The following TMEM65 variants were observed in gnomAD, a reference collection of about 807,000 sequenced individuals.
TMEM65 encodes transmembrane protein 65.
Under a neutral mutation model 25.4 loss-of-function variants are expected in TMEM65, and 22 were observed. The ratio of observed to expected loss-of-function variants is 0.86; its 90% CI spans 0.62 to 1.23. TMEM65 has a LOEUF of 1.23. Among genes scored for constraint, TMEM65 ranks in the 50% most tolerant of loss-of-function variants. TMEM65 has a pLI of 0.00. For missense variants in TMEM65, 262 were observed against 308.2 expected, an observed-to-expected ratio of 0.85 and a Z score of 1.12; for synonymous variants, 132 against 126.2, an observed-to-expected ratio of 1.05 and a Z score of -0.31.
intron 1 of TMEM65, among the ~76,000 whole-genome samples, chr8:124,339,191 C>CAAAAAAAAAAAAA (rs1168433838): frequency 2.3e-5 from 1 of 43,564 alleles, no homozygotes; most frequent in Non-Finnish European, 3.4e-5. Context: ...GACTCTGTCT[C>CAAAAAAAAAAAAA]AAAAAAAAAA....
chr8:124,364,613 A>G (rs1479985221), intron 1 of TMEM65, among the ~76,000 whole-genome samples: 1 of 152,236 alleles, frequency 6.6e-6, no homozygotes, highest in Non-Finnish European at 1.5e-5. Context: ...CAATATGTTC[A>G]AATATTTTAT....
chr8:124,329,753 C>A (rs182283455), intron 2 of TMEM65, among the ~76,000 whole-genome samples: 50 of 151,962 alleles, frequency 3.3e-4, no homozygotes, highest in African/African-American at 1.2e-3. Context: ...TGGTTCCCAG[C>A]CCTAAAGGGG....
chr8:124,311,072 T>C lies in TMEM65; in HGVS notation c.*2888A>G, dbSNP rs1814152758. The C allele has an allele frequency of 6.6e-6, 1 of 152,212 alleles. No individual in the cohort carries two copies. The allele number at this position is 152,212 out of a possible 1,614,324, so 9.4% of individuals were successfully genotyped here. ...TCCATTACCTTCAAAATTTATGTTC[T>C]AGAGAAAAAGAATAAAGTAAATGAG... On this transcript the variant is annotated 3_prime_UTR_variant, in exon 7 of 7. Transcript: ENST00000297632.
At chr8:124,371,361 G>A (rs1032986752) in intron 1 of TMEM65, among the ~76,000 whole-genome samples, 2 of 152,142 alleles carry the variant, frequency 1.3e-5, no homozygotes, top group Non-Finnish European at 2.9e-5. Flanking sequence ...CCCTTCTTTT[G>A]GCTACCCACC....
rs1489856057 is a variant in TMEM65, at chr8:124,339,248, T to TATATATATATATATAA, written c.305-8457_305-8456insTTATATATATATATAT. Among the ~76,000 whole-genome samples, 93 of 104,548 alleles carry TATATATATATATATAA rather than the reference T, an allele frequency of 8.9e-4. 4 individuals carry two copies. The highest frequency in any genetic ancestry group is 3.7e-3 in the African/African-American group (88 of 23,808). The allele number at this position is 104,548 out of a possible 152,430, so 68.6% of individuals were successfully genotyped here. ...ATATATATATATATATATATATATA[T>TATATATATATATATAA]AAAATATTCTTGCAACAAGTAGCTG... On this transcript the variant is annotated intron_variant, in intron 1 of 6. Coordinates refer to ENST00000297632, the MANE Select transcript of TMEM65 (RefSeq NM_194291.3).
intron 1 of TMEM65, among the ~76,000 whole-genome samples, chr8:124,337,404 C>T (rs1021335506): frequency 1.3e-5 from 2 of 151,908 alleles, no homozygotes; most frequent in African/African-American, 4.8e-5. Context: ...AAATATTCTG[C>T]TTTCCGAAGT....
chr8:124,357,768 G>C (rs1814802683), intron 1 of TMEM65, among the ~76,000 whole-genome samples: 1 of 149,430 alleles, frequency 6.7e-6, no homozygotes, highest in African/African-American at 2.5e-5. Context: ...TAAGTAGTAA[G>C]TAGGAAGAGA....
chr8:124,354,977 T>TA (rs1229258138), intron 1 of TMEM65, among the ~76,000 whole-genome samples: 1 of 151,664 alleles, frequency 6.6e-6, no homozygotes. Context: ...TAAAAAGGAA[T>TA]AAAAAAATTC....
At chr8:124,371,149 C>T (rs567711334) in intron 1 of TMEM65, among the ~76,000 whole-genome samples, 1 of 152,228 alleles carries the variant, frequency 6.6e-6, no homozygotes, top group Non-Finnish European at 1.5e-5. Context: ...CTGACTTTTA[C>T]TACAGAGCCA....
Position 124,326,558 on chromosome 8 carries a change from T to C in TMEM65, c.417+796A>G, listed in dbSNP as rs60012202. ...TAAAATCTGAGTTGGCTAGATTATT[T>C]AAACAATTAATGTAAATCAAATCTA... On this transcript the variant is annotated intron_variant, in intron 3 of 6. Coordinates refer to ENST00000297632, the MANE Select transcript of TMEM65 (RefSeq NM_194291.3). Among the ~76,000 whole-genome samples the C allele has an allele frequency of 2.2e-3, 340 of 152,170 alleles. 1 individual carries two copies. Among genetic ancestry groups the C allele is most frequent in the African/African-American group, 7.7e-3 (321 of 41,576 alleles).
In TMEM65 at chr8:124,361,432, T is replaced by C. The variant is rs570140115; in HGVS notation, c.304+10422A>G. On this transcript the variant is annotated intron_variant, in intron 1 of 6. Coordinates refer to ENST00000297632, the MANE Select transcript of TMEM65 (RefSeq NM_194291.3). The stretch of plus-strand genomic sequence containing the variant: ...CCTAGGCAACAAGAGCGAAACTCTG[T>C]CTCACGAAAAAAAAAAAAAAAAATC... 2.4e-3 allele frequency among the ~76,000 whole-genome samples: 334 copies of C among 140,028 alleles called. 2 individuals are homozygous for C. Among genetic ancestry groups the C allele is most frequent in the African/African-American group, 8.3e-3 (309 of 37,316 alleles). 91.9% of individuals were successfully genotyped at this position (140,028 alleles called of 152,430 possible). A position where few individuals can be genotyped will look rare whatever the true frequency, so the allele number is the denominator to read the frequency against.
chr8:124,321,976 T>A, intron 5 of TMEM65, 129 bp downstream of exon 5: 1 of 764,128 alleles, frequency 1.3e-6, no homozygotes. Flanking sequence ...AAAAGTAAAT[T>A]TGAAATTTTA....
chr8:124,330,462 T>C (rs1412973668), intron 2 of TMEM65, among the ~76,000 whole-genome samples: 3 of 151,918 alleles, frequency 2.0e-5, no homozygotes, highest in Non-Finnish European at 4.4e-5. Context: ...AATACATCCT[T>C]TTTCCTAGAA....
intron 1 of TMEM65, among the ~76,000 whole-genome samples, chr8:124,349,562 C>T (rs1166175216): frequency 1.3e-5 from 2 of 152,052 alleles, no homozygotes; most frequent in South Asian, 2.1e-4. Flanking sequence ...AAAACAGCAC[C>T]GAACTAAAAA....
intron 1 of TMEM65, among the ~76,000 whole-genome samples, chr8:124,340,939 G>A (rs1814577241): frequency 1.3e-5 from 2 of 152,030 alleles, no homozygotes; most frequent in South Asian, 4.1e-4. Flanking sequence ...GACAAACTGT[G>A]CTATGAGAAA....
intron 1 of TMEM65, among the ~76,000 whole-genome samples, chr8:124,334,050 G>A (rs1246048271): frequency 1.3e-5 from 2 of 152,234 alleles, no homozygotes; most frequent in East Asian, 3.9e-4. Flanking sequence ...ACCGACTAAG[G>A]GCAAAATAAG....
intron 1 of TMEM65, among the ~76,000 whole-genome samples, chr8:124,345,663 G>C (rs954369885): frequency 2.0e-5 from 3 of 152,164 alleles, no homozygotes; most frequent in Admixed American, 2.0e-4. Flanking sequence ...TAACATTACC[G>C]TATTAATCCA....
chr8:124,342,355 A>G (rs1484428390), intron 1 of TMEM65, among the ~76,000 whole-genome samples: 1 of 152,154 alleles, frequency 6.6e-6, no homozygotes, highest in Non-Finnish European at 1.5e-5. Context: ...AAGAACTCTA[A>G]GGAAGAAACT....
chr8:124,321,517 A>T (rs1381946829), intron 5 of TMEM65, among the ~76,000 whole-genome samples: 2 of 152,146 alleles, frequency 1.3e-5, no homozygotes, highest in Non-Finnish European at 2.9e-5. Context: ...AGATGTCCTT[A>T]GTTTGTTTCA....
Sources: gnomAD v4.1 joint callset for allele counts (sites outside exome capture counted in the v4.1 genomes callset) on GRCh38, gnomAD v4.1.1 for gene constraint, MANE v1.5 for transcripts, NCBI Gene and HGNC (gene_info 2026-07-23, HGNC 2026-07-21) for gene names.